The following ELAVL1 variants were observed in gnomAD, a reference collection of about 807,000 sequenced individuals.
The protein encoded by ELAVL1 is ELAV like RNA binding protein 1, also known as ELAV-like protein 1.
In ELAVL1, 1 loss-of-function variant was observed where a neutral mutation model predicts 28.4. That is an observed-to-expected ratio of 0.04 (90% CI 0.01 to 0.17). The LOEUF (loss-of-function observed/expected upper bound fraction) is 0.17, where lower values mean the gene tolerates loss of function less well. ELAVL1 is among the 10% of genes least tolerant of loss of function. The pLI, the probability that ELAVL1 is intolerant of heterozygous loss-of-function variation, is 1.00. For missense variants in ELAVL1, 157 were observed against 447.2 expected, an observed-to-expected ratio of 0.35 and a Z score of 5.85; for synonymous variants, 174 against 183.5, an observed-to-expected ratio of 0.95 and a Z score of 0.42.
rs1055718314 is a variant in ELAVL1, at chr19:7,981,749, G to A, written c.173-563C>T. Among the ~76,000 whole-genome samples, 1 of 152,156 alleles carries A rather than the reference G, an allele frequency of 6.6e-6. No individual in the cohort carries two copies. Among genetic ancestry groups the A allele is most frequent in the Non-Finnish European group, 1.5e-5 (1 of 68,030 alleles). On this transcript the variant is annotated intron_variant, in intron 2 of 5. Transcript: ENST00000407627. The surrounding 1 kb of genome is among the most constrained non-coding windows in gnomAD (Gnocchi z 4.2). ...TATTTTTTAAAAATACTGTGCTACG[G>A]ACAGCATCTTTCTGAAAGACCAGTC... is the stretch of plus-strand genomic sequence containing the variant.
At chr19:7,972,094 T>C (rs1346191753) in intron 4 of ELAVL1, among the ~76,000 whole-genome samples, 1 of 152,196 alleles carries the variant, frequency 6.6e-6, no homozygotes, top group Admixed American at 6.5e-5. Flanking sequence ...ACACAGTCTG[T>C]GTGGGAAGAA....
At position 7,981,941 on chromosome 19, in the gene ELAVL1, T is replaced by C. The variant is rs771426827; in HGVS notation, c.173-755A>G. ...CCACCCACCACCAGTTCCATTTACC[T>C]TTCCAAGCCTGAGACCAGCCCGACC... On this transcript the variant is annotated intron_variant, in intron 2 of 5. Transcript: ENST00000407627. The surrounding 1 kb of genome is among the most constrained non-coding windows in gnomAD (Gnocchi z 4.2). Among the ~76,000 whole-genome samples, 31 of 152,130 alleles carry C rather than the reference T, an allele frequency of 2.0e-4. No individual in the cohort carries two copies. The highest frequency in any genetic ancestry group is 3.8e-4 in the Non-Finnish European group (26 of 68,020).
chr19:7,986,760 G>A (rs922448641), intron 2 of ELAVL1, among the ~76,000 whole-genome samples: 17 of 152,168 alleles, frequency 1.1e-4, no homozygotes, highest in African/African-American at 3.4e-4. Context: ...TGATGGGATC[G>A]CGAGATGTTC....
chr19:7,998,761 G>A (rs1434228562), intron 1 of ELAVL1, among the ~76,000 whole-genome samples: 1 of 151,756 alleles, frequency 6.6e-6, no homozygotes, highest in Non-Finnish European at 1.5e-5. Context: ...GGAATTGCAG[G>A]TGTGAGCCAC....
At chr19:7,969,711 G>A (rs887284378) in intron 4 of ELAVL1, among the ~76,000 whole-genome samples, 1 of 152,118 alleles carries the variant, frequency 6.6e-6, no homozygotes, top group Non-Finnish European at 1.5e-5. Context: ...CTGGCTCCAA[G>A]CAGATGGCTT....
intron 1 of ELAVL1, chr19:8,002,142 CCACGTGGTTCTTTGAACA>C (rs745911638): frequency 2.8e-5 from 36 of 1,288,704 alleles, no homozygotes; most frequent in South Asian, 2.3e-4. Context: ...CCTAAAGAAC[CCACGTGGTTCTTTGAACA>C]CACGATGTTC....
At chr19:7,995,706 AATT>A (rs1242241234) in intron 1 of ELAVL1, among the ~76,000 whole-genome samples, 7 of 152,090 alleles carry the variant, frequency 4.6e-5, no homozygotes, top group African/African-American at 1.7e-4. Flanking sequence ...AAAAACATAA[AATT>A]TCTTGGAGAA....
chr19:7,975,681 G>C (rs185877765), intron 3 of ELAVL1, among the ~76,000 whole-genome samples: 4 of 152,182 alleles, frequency 2.6e-5, no homozygotes, highest in African/African-American at 9.7e-5. Context: ...TTCATATGCC[G>C]AAGTCCTAAC....
At chr19:7,993,942 A>G (rs965132152) in intron 1 of ELAVL1, among the ~76,000 whole-genome samples, 6 of 152,112 alleles carry the variant, frequency 3.9e-5, no homozygotes, top group African/African-American at 1.4e-4. Flanking sequence ...CCTGGTAGAA[A>G]CATCCAGGTC....
chr19:7,985,566 C>T (rs887468160), intron 2 of ELAVL1, among the ~76,000 whole-genome samples: 2 of 152,142 alleles, frequency 1.3e-5, no homozygotes, highest in African/African-American at 4.8e-5. Context: ...AGACAGGAGG[C>T]CTGAGGGTTT....
intron 4 of ELAVL1, among the ~76,000 whole-genome samples, chr19:7,968,646 C>A (rs1172261987): frequency 6.6e-6 from 1 of 152,258 alleles, no homozygotes; most frequent in African/African-American, 2.4e-5. Context: ...TCCCGGGTTC[C>A]CGGCTAAACC....
intron 1 of ELAVL1, 114 bp downstream of exon 1, chr19:8,005,381 G>C (rs2081083958): frequency 6.8e-6 from 1 of 146,760 alleles, no homozygotes; most frequent in South Asian, 2.1e-4. Flanking sequence ...GGTCCGGCGC[G>C]GCCTGGGCCT....
intron 3 of ELAVL1, 122 bp from the exon 4 acceptor site, chr19:7,974,000 T>A: frequency 7.8e-7 from 1 of 1,280,544 alleles, no homozygotes; most frequent in Non-Finnish European, 1.1e-6. Context: ...AGGGAACGAT[T>A]ATCATCACTG....
chr19:7,974,843 G>A lies in ELAVL1; in HGVS notation c.277-965C>T, dbSNP rs143705389. ...TCAGGAGTCACTGGGCAGAATCTGC[G>A]TGCTGAGAACACACACACAGCATCC... On this transcript the variant is annotated intron_variant, in intron 3 of 5. Transcript: ENST00000407627. Among the ~76,000 whole-genome samples the A allele has an allele frequency of 4.6e-3, 707 of 152,324 alleles. 3 individuals carry two copies. The highest frequency in any genetic ancestry group is 0.014 in the African/African-American group (597 of 41,570).
chr19:7,978,024 T>C (rs1026493807), intron 3 of ELAVL1, among the ~76,000 whole-genome samples: 1 of 152,246 alleles, frequency 6.6e-6, no homozygotes, highest in Admixed American at 6.5e-5. Context: ...GAGCCTCCTC[T>C]GGCACTGGCC....
chr19:7,988,655 A>T (rs1202917292), intron 2 of ELAVL1, among the ~76,000 whole-genome samples: 1 of 152,184 alleles, frequency 6.6e-6, no homozygotes, highest in African/African-American at 2.4e-5. Context: ...GACATGCGGC[A>T]ATGTCAGGAC....
chr19:7,978,823 G>A (rs1190033051), intron 3 of ELAVL1, among the ~76,000 whole-genome samples: 1 of 152,198 alleles, frequency 6.6e-6, no homozygotes, highest in African/African-American at 2.4e-5. Context: ...TGCTGGGGCT[G>A]TGCTAACTCT....
At chr19:7,980,410 G>C (rs577524666) in intron 3 of ELAVL1, among the ~76,000 whole-genome samples, 34 of 152,326 alleles carry the variant, frequency 2.2e-4, no homozygotes, top group Admixed American at 7.8e-4. Flanking sequence ...GGGGACGGGG[G>C]TAAGTGGGGC....
At chr19:7,998,936 C>T (rs911459909) in intron 1 of ELAVL1, among the ~76,000 whole-genome samples, 1 of 152,064 alleles carries the variant, frequency 6.6e-6, no homozygotes, top group Admixed American at 6.6e-5. Flanking sequence ...TGCCACCATA[C>T]CTGGCTGATT....
Sources: gnomAD v4.1 joint callset for allele counts (sites outside exome capture counted in the v4.1 genomes callset) on GRCh38, gnomAD v4.1.1 for gene constraint, Gnocchi (gnomAD v3.1) non-coding constraint, MANE v1.5 for transcripts, NCBI Gene and HGNC (gene_info 2026-07-23, HGNC 2026-07-21) for gene names.